Variants in USH2A observed in about 807,000 individuals in gnomAD.
USH2A encodes usherin.
Under a neutral mutation model 538.9 loss-of-function variants are expected in USH2A, and 443 were observed. The observed-to-expected ratio is 0.82, with a 90% confidence interval of 0.76 to 0.89. The LOEUF (loss-of-function observed/expected upper bound fraction) is 0.89, where lower values mean the gene tolerates loss of function less well. USH2A is among the 40% of genes least tolerant of loss of function. USH2A has a pLI of 0.00. For missense variants in USH2A, 6,633 were observed against 6,324.8 expected (o/e 1.05, Z -1.65); for synonymous variants, 2,413 against 2,273.5 (o/e 1.06, Z -1.75).
chr1:216,048,719 C>CTG (rs968255914), intron 30 of USH2A, 72 bp from the exon 31 acceptor site: 10 of 1,225,904 alleles, frequency 8.2e-6, no homozygotes, highest in South Asian at 2.4e-5. Flanking sequence ...GTGTGTATAT[C>CTG]TGTGTGTGTG....
At chr1:216,201,206 C>T (rs189550564) in intron 16 of USH2A, among the ~76,000 whole-genome samples, 7 of 151,548 alleles carry the variant, frequency 4.6e-5, no homozygotes, top group Admixed American at 3.3e-4. Context: ...CTATCCCCAT[C>T]GGCAACTTTC....
At chr1:215,841,797 C>T (rs898215086) in intron 46 of USH2A, among the ~76,000 whole-genome samples, 3 of 152,176 alleles carry the variant, frequency 2.0e-5, no homozygotes, top group Admixed American at 6.5e-5. Context: ...ATCTATCCAT[C>T]TGACAAAGGT....
chr1:216,045,691 C>A (rs2030481615), intron 32 of USH2A, among the ~76,000 whole-genome samples: 1 of 152,134 alleles, frequency 6.6e-6, no homozygotes, highest in Non-Finnish European at 1.5e-5. Context: ...CTGCTGAAGT[C>A]AGAGAAGTCA....
In USH2A at chr1:216,323,633, C is replaced by A. The variant is rs771000800; in HGVS notation, c.1391G>T (p.Arg464Leu). ...ATTATAGAAGTTATTGTATCCAGGACGATAATTTGGTCCAGGTGTCAGGAT... is the reference window on the plus strand; with the variant it reads ...ATTATAGAAGTTATTGTATCCAGGAAGATAATTTGGTCCAGGTGTCAGGAT... ...FSILTPGPNY[R>L]PGYNNFYNTP... The change falls in exon 8 of 72, where the codon CGT (arginine) becomes CTT (leucine). Residue 464 changes from arginine (R) to leucine (L), a missense_variant. Physicochemically the swap from Arg to Leu is moderately radical, Grantham distance 102. Coordinates refer to ENST00000307340, the MANE Select transcript of USH2A (RefSeq NM_206933.4). 1 of 1,613,360 alleles carries A rather than the reference C, an allele frequency of 6.2e-7. No homozygotes were observed. Among genetic ancestry groups the A allele is most frequent in the Non-Finnish European group, 8.5e-7 (1 of 1,179,700 alleles).
intron 37 of USH2A, among the ~76,000 whole-genome samples, chr1:215,953,899 C>A (rs1411436520): frequency 3.3e-5 from 5 of 152,170 alleles, no homozygotes; most frequent in Admixed American, 1.3e-4. Context: ...AAAAAGTGGG[C>A]AAAGGATATG....
intron 61 of USH2A, among the ~76,000 whole-genome samples, chr1:215,683,290 T>C (rs918986212): frequency 1.3e-5 from 2 of 151,858 alleles, no homozygotes; most frequent in African/African-American, 4.8e-5. Flanking sequence ...ACTCCTTAAA[T>C]AGATCTAAAC....
chr1:216,410,370 T>G (rs950891729), intron 3 of USH2A, among the ~76,000 whole-genome samples: 2 of 152,052 alleles, frequency 1.3e-5, no homozygotes, highest in African/African-American at 4.8e-5. Context: ...CAAAGGAATC[T>G]GAGTCATTCT....
At chr1:216,370,218 A>G (rs914980516) in intron 3 of USH2A, among the ~76,000 whole-genome samples, 1 of 150,870 alleles carries the variant, frequency 6.6e-6, no homozygotes, top group African/African-American at 2.4e-5. Flanking sequence ...AAAATTAGCC[A>G]GTTGTGGTGG....
At chr1:216,057,274 C>G (rs1033120007) in intron 30 of USH2A, among the ~76,000 whole-genome samples, 1 of 152,160 alleles carries the variant, frequency 6.6e-6, no homozygotes, top group Non-Finnish European at 1.5e-5. Context: ...TCTACATTAG[C>G]TAAGCAGGAA....
intron 16 of USH2A, 79 bp from the exon 17 acceptor site, chr1:216,200,200 A>G: frequency 5.0e-6 from 7 of 1,396,194 alleles, no homozygotes; most frequent in Non-Finnish European, 6.8e-6. Flanking sequence ...CTTTCCTATC[A>G]TATTATTTAA....
chr1:216,293,150 A>G lies in USH2A; in HGVS notation c.1645-780T>C, dbSNP rs537196923. Reference sequence around the variant, plus strand: ...AGCGATTCTCCCGCCTCAGCCTCCCAAGTAGCTGAGACTACAGGCGCCCGC... The same window carrying G: ...AGCGATTCTCCCGCCTCAGCCTCCCGAGTAGCTGAGACTACAGGCGCCCGC... On this transcript the variant is annotated intron_variant, in intron 9 of 71. Transcript: ENST00000307340. Among the ~76,000 whole-genome samples, 154 of 149,834 alleles carry G rather than the reference A, an allele frequency of 1.0e-3. 1 individual carries two copies. The highest frequency in any genetic ancestry group is 3.6e-3 in the African/African-American group (148 of 40,574).
chr1:215,759,868 T>G, intron 56 of USH2A, 25 bp from the exon 57 acceptor site: 1 of 1,613,732 alleles, frequency 6.2e-7, no homozygotes, highest in Non-Finnish European at 8.5e-7. Flanking sequence ...GCAATGAGGT[T>G]TTATTGTTAG....
chr1:216,388,087 G>T (rs1317076246), intron 3 of USH2A, among the ~76,000 whole-genome samples: 1 of 152,134 alleles, frequency 6.6e-6, no homozygotes, highest in Non-Finnish European at 1.5e-5. Context: ...CCATGAACAA[G>T]TTACATGGCT....
At position 215,625,523 on chromosome 1, in the gene USH2A, ATACT is replaced by A. The variant is rs1431870492; in HGVS notation, c.*254_*257del. On this transcript the variant is annotated 3_prime_UTR_variant, in exon 72 of 72. Coordinates refer to ENST00000307340, the MANE Select transcript of USH2A (RefSeq NM_206933.4). ...CCAAACAGAACCAAGTGACAATTAC[ATACT>A]TCTTTGTCTTCTACAAAATAAGAGC... is the stretch of plus-strand genomic sequence containing the variant. 5.8e-6 allele frequency: 3 copies of A among 514,506 alleles called. No homozygotes were observed. The highest frequency in any genetic ancestry group is 3.9e-5 in the African/African-American group (2 of 51,880). 31.9% of individuals were successfully genotyped at this position (514,506 alleles called of 1,614,324 possible).
intron 44 of USH2A, among the ~76,000 whole-genome samples, chr1:215,866,766 A>AATGGC (rs1371526159): frequency 6.6e-6 from 1 of 152,156 alleles, no homozygotes; most frequent in African/African-American, 2.4e-5. Context: ...GCATCTTAAG[A>AATGGC]ATGGCACAGG....
At chr1:216,032,564 G>A (rs183119355) in intron 32 of USH2A, among the ~76,000 whole-genome samples, 140 of 152,250 alleles carry the variant, frequency 9.2e-4, no homozygotes, top group Middle Eastern at 6.8e-3. Flanking sequence ...AATTTCATGA[G>A]ATATCACACT....
intron 3 of USH2A, among the ~76,000 whole-genome samples, chr1:216,373,521 C>T (rs1174441270): frequency 1.3e-5 from 2 of 152,024 alleles, no homozygotes; most frequent in South Asian, 4.2e-4. Context: ...AAGAGTAGTA[C>T]AAAGAATTTT....
intron 40 of USH2A, among the ~76,000 whole-genome samples, chr1:215,899,676 T>C (rs1298132158): frequency 6.6e-6 from 1 of 152,162 alleles, no homozygotes; most frequent in Non-Finnish European, 1.5e-5. Context: ...AACAAGTATA[T>C]GTAAGCAGCC....
intron 4 of USH2A, among the ~76,000 whole-genome samples, chr1:216,335,476 G>T (rs572456068): frequency 6.6e-6 from 1 of 151,112 alleles, no homozygotes; most frequent in Non-Finnish European, 1.5e-5. Context: ...AAAACAACAA[G>T]AAAAACAACA....
Sources: allele counts gnomAD v4.1 joint callset (sites outside exome capture counted in the v4.1 genomes callset), GRCh38; gene constraint gnomAD v4.1.1; transcripts MANE v1.5; gene names NCBI Gene and HGNC (gene_info 2026-07-23, HGNC 2026-07-21).